The following NEGR1 variants were observed in gnomAD, a reference collection of about 807,000 sequenced individuals.
The protein encoded by NEGR1 is neuronal growth regulator 1, also known as IgLON family member 4.
In NEGR1, 10 loss-of-function variants were observed where a neutral mutation model predicts 40.9. The observed-to-expected ratio is 0.24, with a 90% CI of 0.15 to 0.42. The LOEUF is 0.42. Among genes scored for constraint, NEGR1 ranks in the 10% least tolerant of loss-of-function variants. The pLI is 1.00. For synonymous variants in NEGR1, 185 were observed against 166.8 expected (o/e 1.11, Z -0.84); for missense variants, 352 against 438.9 (o/e 0.80, Z 1.77).
At chr1:71,462,215 T>A (rs1053875515) in intron 6 of NEGR1, among the ~76,000 whole-genome samples, 2 of 152,206 alleles carry the variant, frequency 1.3e-5, no homozygotes, top group Admixed American at 6.6e-5. Context: ...CCTCTAATTG[T>A]TCCTGAAGTG....
chr1:71,810,254 C>G (rs1657947195), intron 2 of NEGR1, among the ~76,000 whole-genome samples: 1 of 151,984 alleles, frequency 6.6e-6, no homozygotes, highest in Non-Finnish European at 1.5e-5. Flanking sequence ...CTATTCATTT[C>G]AAATTATTAA....
chr1:72,139,099 C>CAAAAA (rs56186748), intron 1 of NEGR1, among the ~76,000 whole-genome samples: 1 of 147,822 alleles, frequency 6.8e-6, no homozygotes, highest in Non-Finnish European at 1.5e-5. Flanking sequence ...GCTCATGAGT[C>CAAAAA]AAAAAAAAAA....
intron 4 of NEGR1, among the ~76,000 whole-genome samples, chr1:71,697,562 T>A (rs1316877676): frequency 1.3e-5 from 2 of 151,824 alleles, no homozygotes; most frequent in Non-Finnish European, 2.9e-5. Flanking sequence ...TAGAAATAAG[T>A]CACCCAACTA....
chr1:72,220,782 T>A (rs1653986936), intron 1 of NEGR1, among the ~76,000 whole-genome samples: 1 of 152,056 alleles, frequency 6.6e-6, no homozygotes, highest in African/African-American at 2.4e-5. Context: ...AAAAGTAAAA[T>A]ACTCTGAGCA....
Position 72,255,550 on chromosome 1 carries a change from T to C in NEGR1, c.176+26769A>G, listed in dbSNP as rs1019390714. Among the ~76,000 whole-genome samples, 6 of 135,760 alleles carry C rather than the reference T, an allele frequency of 4.4e-5. 1 individual carries two copies. The highest frequency in any genetic ancestry group is 9.9e-5 in the Non-Finnish European group (6 of 60,798). 89.1% of individuals were successfully genotyped at this position (135,760 alleles called of 152,430 possible). ...CTATGGTTTATCAAAAATACTTCTT[T>C]TTTTTTTTTTTTTTTTGAGATGGAG... On this transcript the variant is annotated intron_variant, in intron 1 of 6. Transcript: ENST00000357731.
intron 4 of NEGR1, among the ~76,000 whole-genome samples, chr1:71,670,206 C>T (rs1652373132): frequency 6.6e-6 from 1 of 151,978 alleles, no homozygotes; most frequent in African/African-American, 2.4e-5. Flanking sequence ...TTTGAATAAT[C>T]TTATAGGGAA....
intron 1 of NEGR1, among the ~76,000 whole-genome samples, chr1:72,207,879 A>G (rs2100457868): frequency 6.6e-6 from 1 of 151,950 alleles, no homozygotes; most frequent in South Asian, 2.1e-4. Flanking sequence ...CTAACAATTT[A>G]TAGTACAAAA....
intron 3 of NEGR1, among the ~76,000 whole-genome samples, chr1:71,771,416 C>T (rs34557021): frequency 6.6e-6 from 1 of 151,958 alleles, no homozygotes; most frequent in Non-Finnish European, 1.5e-5. Flanking sequence ...ACTGCACGTT[C>T]TGCACACGTA....
At chr1:71,482,716 G>C (rs1213800384) in intron 6 of NEGR1, among the ~76,000 whole-genome samples, 2 of 151,818 alleles carry the variant, frequency 1.3e-5, no homozygotes, top group Non-Finnish European at 2.9e-5. Flanking sequence ...ATTTTTATTA[G>C]GTTTATCTCA....
At chr1:72,243,248 C>T (rs72682751) in intron 1 of NEGR1, among the ~76,000 whole-genome samples, 516 of 151,756 alleles carry the variant, frequency 3.4e-3, no homozygotes, top group Non-Finnish European at 5.3e-3. Context: ...TGTGTTCATA[C>T]AAATACTAAA....
intron 1 of NEGR1, among the ~76,000 whole-genome samples, chr1:71,955,165 T>C (rs1016721241): frequency 6.6e-6 from 1 of 152,120 alleles, no homozygotes; most frequent in African/African-American, 2.4e-5. Flanking sequence ...CACTGGGAAA[T>C]ATTTTTGTGC....
intron 1 of NEGR1, among the ~76,000 whole-genome samples, chr1:71,945,272 A>T (rs1260197643): frequency 6.6e-6 from 1 of 152,278 alleles, no homozygotes; most frequent in East Asian, 1.9e-4. Flanking sequence ...GATTAAATTA[A>T]TTAGTTTGTT....
At chr1:71,733,552 T>A (rs1289202815) in intron 3 of NEGR1, among the ~76,000 whole-genome samples, 1 of 152,202 alleles carries the variant, frequency 6.6e-6, no homozygotes, top group Non-Finnish European at 1.5e-5. Flanking sequence ...TCTGATGTAT[T>A]ATTTATCTTC....
chr1:72,121,533 G>T (rs1226742106), intron 1 of NEGR1, among the ~76,000 whole-genome samples: 2 of 151,954 alleles, frequency 1.3e-5, no homozygotes, highest in African/African-American at 4.8e-5. Context: ...ATATAGGCAA[G>T]AGTGTAAAGG....
intron 6 of NEGR1, among the ~76,000 whole-genome samples, chr1:71,465,577 C>G (rs575398876): frequency 6.6e-6 from 1 of 152,088 alleles, no homozygotes; most frequent in East Asian, 1.9e-4. Flanking sequence ...ACTTGGGTCT[C>G]CATGAACCCA....
chr1:71,990,789 G>A (rs1004622201), intron 1 of NEGR1, among the ~76,000 whole-genome samples: 1 of 151,744 alleles, frequency 6.6e-6, no homozygotes. Context: ...CTTAGTCCTT[G>A]GCTCTCTGTT....
At chr1:71,481,452 T>C (rs916933488) in intron 6 of NEGR1, among the ~76,000 whole-genome samples, 1 of 151,920 alleles carries the variant, frequency 6.6e-6, no homozygotes, top group Non-Finnish European at 1.5e-5. Flanking sequence ...TGAGTATATA[T>C]ACGTGTGAAT....
At chr1:71,868,252 C>T (rs1168732480) in intron 2 of NEGR1, among the ~76,000 whole-genome samples, 1 of 152,050 alleles carries the variant, frequency 6.6e-6, no homozygotes, top group East Asian at 1.9e-4. Context: ...AACTACAATA[C>T]ATGGAAACAA....
Position 71,581,698 on chromosome 1 carries a change from AT to A in NEGR1, c.940+11118del, listed in dbSNP as rs34224525. Among the ~76,000 whole-genome samples, 1,183 of 143,262 alleles carry A rather than the reference AT, an allele frequency of 8.3e-3. 12 individuals carry two copies. Among genetic ancestry groups the A allele is most frequent in the African/African-American group, 0.029 (1,125 of 39,344 alleles). 94.0% of individuals were successfully genotyped at this position (143,262 alleles called of 152,430 possible). On this transcript the variant is annotated intron_variant, in intron 6 of 6. Coordinates refer to ENST00000357731, the MANE Select transcript of NEGR1 (RefSeq NM_173808.3). ...CTATTTGTAAGTCTCATTATACACA[AT>A]TTTTTTTTTTTTTTTAAATTTGAGA...
Sources: gnomAD v4.1 joint callset for allele counts (sites outside exome capture counted in the v4.1 genomes callset) on GRCh38, gnomAD v4.1.1 for gene constraint, MANE v1.5 for transcripts, NCBI Gene and HGNC (gene_info 2026-07-23, HGNC 2026-07-21) for gene names.